ZNF423: variants seen among roughly 807,000 people sequenced by gnomAD.
The protein encoded by ZNF423 is Ebf-associated zinc finger protein.
ZNF423 carries 12 observed loss-of-function variants against 95.8 expected under a neutral mutation model. The observed-to-expected ratio is 0.13, with a 90% CI of 0.08 to 0.20. The LOEUF is 0.20. Ranked by LOEUF, ZNF423 falls within the 10% of genes least tolerant of loss-of-function variation. The probability of loss-of-function intolerance (pLI) is 1.00; values close to 1 mark genes in which losing one functional copy is unlikely to be tolerated. For missense variants in ZNF423, 1,316 were observed against 1,737.1 expected (o/e 0.76, Z 4.31); for synonymous variants, 749 against 711.9 (o/e 1.05, Z -0.83).
In ZNF423 at chr16:49,638,236, C is replaced by T. The variant is rs763435948; in HGVS notation, c.940G>A (p.Asp314Asn). Residue 314 changes from aspartate (D) to asparagine (N), a missense_variant, in exon 4 of 8, where the codon GAC becomes AAC. Asp to Asn is a conservative substitution (Grantham distance 23, BLOSUM62 1). Coordinates refer to ENST00000563137, the MANE Select transcript of ZNF423 (RefSeq NM_001379286.1). This position sits in a 1 kb window ranked among gnomAD's most constrained non-coding sequence, Gnocchi z 5.6. ...ATATGGGCGAGCAGTGTGTTCTCGT[C>T]GACGAAGACCTCAGGGCAGTGAATG... ...QCIHCPEVFV[D>N]ENTLLAHIHQ... 4.3e-6 allele frequency: 7 copies of T among 1,610,102 alleles called. No homozygotes were observed. The highest frequency in any genetic ancestry group is 2.2e-5 in the East Asian group (1 of 44,884).
intron 2 of ZNF423, among the ~76,000 whole-genome samples, chr16:49,761,584 T>A (rs2033834003): frequency 6.6e-6 from 1 of 152,120 alleles, no homozygotes; most frequent in Admixed American, 6.6e-5. Flanking sequence ...AAAAACCACC[T>A]CCCAGGGCTG....
At chr16:49,830,225 G>T (rs1445150894) in intron 1 of ZNF423, among the ~76,000 whole-genome samples, 2 of 152,164 alleles carry the variant, frequency 1.3e-5, no homozygotes, top group Admixed American at 6.5e-5. Context: ...TACAGAGGAA[G>T]AGTCTCAGTC....
chr16:49,743,355 A>G (rs2033454938), intron 2 of ZNF423, among the ~76,000 whole-genome samples: 1 of 152,060 alleles, frequency 6.6e-6, no homozygotes, highest in Non-Finnish European at 1.5e-5. Flanking sequence ...AGCAGTCCTC[A>G]TGATTTTATT....
In ZNF423 at chr16:49,794,213, T is replaced by G. The variant is rs1597015316; in HGVS notation, c.41-4667A>C. ...ACCACGCCCGGTGGATTTTTGTAGT[T>G]TTTTTTGTTTGTTTTTGTTTTTGTT... On this transcript the variant is annotated intron_variant, in intron 1 of 7. Transcript: ENST00000563137. 2.0e-5 allele frequency among the ~76,000 whole-genome samples: 3 copies of G among 147,416 alleles called. No individual in the cohort carries two copies. In the Admixed American group the frequency reaches 2.1e-4, roughly 10 times the overall value.
intron 2 of ZNF423, among the ~76,000 whole-genome samples, chr16:49,784,117 G>C (rs1262583229): frequency 3.9e-5 from 6 of 152,158 alleles, no homozygotes; most frequent in Non-Finnish European, 5.9e-5. Context: ...ATGAGCAGTG[G>C]GAATGTAAAA....
intron 5 of ZNF423, among the ~76,000 whole-genome samples, chr16:49,565,186 ACCATTTGTAAC>A (rs1970150784): frequency 6.6e-6 from 1 of 152,206 alleles, no homozygotes; most frequent in Non-Finnish European, 1.5e-5. Flanking sequence ...ATACGGGCGA[ACCATTTGTAAC>A]CCTTTTCAGT....
chr16:49,494,027 T>C (rs1967066545), intron 7 of ZNF423, among the ~76,000 whole-genome samples: 1 of 152,194 alleles, frequency 6.6e-6, no homozygotes, highest in African/African-American at 2.4e-5. Flanking sequence ...CTGGGATCTC[T>C]GGAGAATGAA....
intron 1 of ZNF423, among the ~76,000 whole-genome samples, chr16:49,851,953 C>A (rs2035306687): frequency 6.6e-6 from 1 of 152,072 alleles, no homozygotes; most frequent in South Asian, 2.1e-4. Flanking sequence ...AGCTAAAGAC[C>A]CTATAAAGGA....
At chr16:49,683,499 G>A (rs551474672) in intron 3 of ZNF423, among the ~76,000 whole-genome samples, 9 of 152,300 alleles carry the variant, frequency 5.9e-5, no homozygotes, top group African/African-American at 2.2e-4. Context: ...AAAGGACCAA[G>A]TTCACTCAGA....
intron 5 of ZNF423, among the ~76,000 whole-genome samples, chr16:49,546,465 C>G (rs919263655): frequency 6.6e-6 from 1 of 152,180 alleles, no homozygotes; most frequent in African/African-American, 2.4e-5. Context: ...CTCACAAGGT[C>G]ACTCGGGGAT....
At chr16:49,674,048 G>A (rs2151928582) in intron 3 of ZNF423, among the ~76,000 whole-genome samples, 1 of 152,312 alleles carries the variant, frequency 6.6e-6, no homozygotes, top group South Asian at 2.1e-4. Context: ...CCAGAGCAAA[G>A]GCAAGCAAAG....
chr16:49,668,128 A>G (rs1281755141), intron 3 of ZNF423, among the ~76,000 whole-genome samples: 1 of 152,162 alleles, frequency 6.6e-6, no homozygotes, highest in African/African-American at 2.4e-5. Flanking sequence ...AGAGCCTCAG[A>G]CCACCCAACC....
chr16:49,726,053 C>G (rs1304845724), intron 3 of ZNF423, among the ~76,000 whole-genome samples: 1 of 152,192 alleles, frequency 6.6e-6, no homozygotes, highest in Non-Finnish European at 1.5e-5. Context: ...AGCAAAGAGG[C>G]CAAAGACCCC....
intron 7 of ZNF423, among the ~76,000 whole-genome samples, chr16:49,512,835 C>T (rs989578550): frequency 1.3e-5 from 2 of 152,188 alleles, no homozygotes; most frequent in Admixed American, 6.5e-5. Flanking sequence ...GTGGCCCATA[C>T]ATGTAATCCC....
intron 1 of ZNF423, among the ~76,000 whole-genome samples, chr16:49,809,788 C>T (rs1051554121): frequency 6.6e-6 from 1 of 152,206 alleles, no homozygotes; most frequent in Non-Finnish European, 1.5e-5. Flanking sequence ...CTGAAGCCTG[C>T]TCCTGAGACT....
chr16:49,851,529 G>A (rs1227503970), intron 1 of ZNF423, among the ~76,000 whole-genome samples: 1 of 152,160 alleles, frequency 6.6e-6, no homozygotes, highest in Non-Finnish European at 1.5e-5. Flanking sequence ...CTCCAGCTAG[G>A]AACGCTGTAC....
At chr16:49,677,282 A>AGAAGG (rs1567283970) in intron 3 of ZNF423, among the ~76,000 whole-genome samples, 1 of 81,502 alleles carries the variant, frequency 1.2e-5, no homozygotes, top group Non-Finnish European at 2.5e-5. Flanking sequence ...AGAAGAGAAG[A>AGAAGG]GAAGAGAAGA....
chr16:49,652,551 C>T (rs757273756), intron 3 of ZNF423, among the ~76,000 whole-genome samples: 8 of 152,188 alleles, frequency 5.3e-5, no homozygotes, highest in Non-Finnish European at 1.0e-4. Flanking sequence ...GGACCTCCTG[C>T]GCACCCTGAC....
chr16:49,599,430 C>T (rs1360300683), intron 5 of ZNF423, among the ~76,000 whole-genome samples: 1 of 152,146 alleles, frequency 6.6e-6, no homozygotes, highest in African/African-American at 2.4e-5. Flanking sequence ...CCTTAATCCC[C>T]TCATTTCACA....
Sources: allele counts gnomAD v4.1 joint callset (sites outside exome capture counted in the v4.1 genomes callset), GRCh38; gene constraint gnomAD v4.1.1; non-coding constraint Gnocchi (gnomAD v3.1); transcripts MANE v1.5; gene names NCBI Gene and HGNC (gene_info 2026-07-23, HGNC 2026-07-21).